TRAT1: variants seen among roughly 807,000 people sequenced by gnomAD.
The protein encoded by TRAT1 is T-cell receptor-associated transmembrane adapter 1.
TRAT1 carries 20 observed loss-of-function variants against 20.0 expected under a neutral mutation model. The observed-to-expected ratio is 1.00, with a 90% CI of 0.70 to 1.45. The LOEUF (loss-of-function observed/expected upper bound fraction) is 1.45. TRAT1 is among the 40% of genes most tolerant of loss of function. TRAT1 has a pLI of 0.00. For missense variants in TRAT1, 237 were observed against 224.1 expected (o/e 1.06, Z -0.37); for synonymous variants, 77 against 74.2 (o/e 1.04, Z -0.20).
At chr3:108,835,106 G>T (rs1291915853) in intron 2 of TRAT1, among the ~76,000 whole-genome samples, 2 of 152,146 alleles carry the variant, frequency 1.3e-5, no homozygotes, top group Non-Finnish European at 2.9e-5. Context: ...AGGAAATTAT[G>T]GCATCTTCAC....
chr3:108,844,865 AAAAAG>A (rs1243732691), intron 3 of TRAT1, among the ~76,000 whole-genome samples: 3,082 of 145,012 alleles, frequency 0.021, 64 homozygotes, highest in South Asian at 0.046. Context: ...AAAAAAAAAA[AAAAAG>A]AAATACGTGT....
intron 3 of TRAT1, among the ~76,000 whole-genome samples, chr3:108,846,512 A>G (rs1945944051): frequency 6.6e-6 from 1 of 152,206 alleles, no homozygotes; most frequent in Admixed American, 6.5e-5. Flanking sequence ...ATTTTATTGC[A>G]TCTGCTAACC....
chr3:108,834,118 T>C (rs1244414207), intron 2 of TRAT1, among the ~76,000 whole-genome samples: 1 of 152,180 alleles, frequency 6.6e-6, no homozygotes, highest in East Asian at 1.9e-4. Context: ...TACAACACCC[T>C]GAGCTTTAGC....
chr3:108,827,823 T>C (rs1374822), intron 1 of TRAT1, among the ~76,000 whole-genome samples: 56,768 of 151,886 alleles, frequency 0.37, 12,069 homozygotes, highest in East Asian at 0.92. Context: ...TAAAGAAATG[T>C]ACAGTGTGAC....
rs1946021222 is a variant in TRAT1 at position 108,853,802 on chromosome 3, A to T, written c.486A>T (p.Ala162=). The T allele has an allele frequency of 6.2e-7, 1 of 1,614,040 alleles. No individual in the cohort carries two copies. Among genetic ancestry groups the T allele is most frequent in the Non-Finnish European group, 8.5e-7 (1 of 1,179,990 alleles). ...LVDSFSPESQ[A]VEENIHDDPI... is the part of the protein sequence containing the mutation. The stretch of plus-strand genomic sequence containing the variant: ...ACAGTTTCTCCCCAGAAAGCCAGGC[A>T]GTAGAGGAAAACATTCATGATGATC... The change falls in exon 6 of 6, where the codon GCA becomes GCT. Residue 162 remains alanine, a synonymous_variant. Coordinates refer to ENST00000295756, the MANE Select transcript of TRAT1 (RefSeq NM_016388.4).
intron 1 of TRAT1, among the ~76,000 whole-genome samples, chr3:108,823,466 C>T (rs915502923): frequency 1.3e-5 from 2 of 152,142 alleles, no homozygotes; most frequent in African/African-American, 4.8e-5. Context: ...TATTGACTCA[C>T]TGTTATGAAT....
chr3:108,834,705 T>A (rs1478635735), intron 2 of TRAT1, among the ~76,000 whole-genome samples: 1 of 152,250 alleles, frequency 6.6e-6, no homozygotes, highest in Non-Finnish European at 1.5e-5. Context: ...TTGCAAGATC[T>A]GACTCCACCT....
chr3:108,831,042 G>A (rs545376743), intron 2 of TRAT1, among the ~76,000 whole-genome samples: 8 of 152,196 alleles, frequency 5.3e-5, no homozygotes, highest in Middle Eastern at 3.4e-3. Context: ...TGGTAAATAC[G>A]TTTTTCCTCC....
In TRAT1 at chr3:108,849,017, T is replaced by C. The variant is rs377743102; in HGVS notation, c.215-149T>C. ...CTGCAGGTAACAGTTTGGGCTTCCT[T>C]ACCTCTTTCTATCTCCACCAAAAAG... is the stretch of plus-strand genomic sequence containing the variant. On this transcript the variant is annotated intron_variant, in intron 4 of 5. Coordinates refer to ENST00000295756, the MANE Select transcript of TRAT1 (RefSeq NM_016388.4). 40 of 674,640 alleles carry C rather than the reference T, an allele frequency of 5.9e-5. No homozygotes were observed. In the African/African-American group the frequency reaches 6.5e-4, roughly 11 times the overall value. The allele number at this position is 674,640 out of a possible 1,614,324, so 41.8% of individuals were successfully genotyped here.
chr3:108,843,894 C>A (rs1305334697), intron 3 of TRAT1, among the ~76,000 whole-genome samples: 2 of 152,168 alleles, frequency 1.3e-5, no homozygotes, highest in African/African-American at 4.8e-5. Flanking sequence ...ACCAGCAGCC[C>A]CTTCTCCTTT....
At chr3:108,842,902 C>A (rs1014674954) in intron 3 of TRAT1, among the ~76,000 whole-genome samples, 32 of 152,230 alleles carry the variant, frequency 2.1e-4, no homozygotes, top group Admixed American at 1.6e-3. Flanking sequence ...TGTTAGATAT[C>A]ATGGCTATGA....
At chr3:108,827,562 T>C (rs1290811985) in intron 1 of TRAT1, among the ~76,000 whole-genome samples, 1 of 152,090 alleles carries the variant, frequency 6.6e-6, no homozygotes, top group East Asian at 1.9e-4. Flanking sequence ...ATATTAAGAA[T>C]GTCATAAAAT....
In TRAT1 at chr3:108,853,217, T is replaced by C. The variant is rs186698097; in HGVS notation, c.304-403T>C. Among the ~76,000 whole-genome samples, 10 of 152,304 alleles carry C rather than the reference T, an allele frequency of 6.6e-5. No individual in the cohort carries two copies. The East Asian group carries it at 1.9e-3, about 29-fold the overall frequency. On this transcript the variant is annotated intron_variant, in intron 5 of 5. Coordinates refer to ENST00000295756, the MANE Select transcript of TRAT1 (RefSeq NM_016388.4). ...TGTTAGGTACATGTAAAGTAGACCC[T>C]TGTGATTTGGTAAACTCCTTCCTAT...
At chr3:108,848,228 T>C (rs1945965371) in intron 4 of TRAT1, among the ~76,000 whole-genome samples, 1 of 152,184 alleles carries the variant, frequency 6.6e-6, no homozygotes, top group Admixed American at 6.5e-5. Flanking sequence ...GGCTAAGGCT[T>C]AGAGATCTGC....
intron 4 of TRAT1, among the ~76,000 whole-genome samples, chr3:108,847,926 A>T (rs1184209419): frequency 1.3e-5 from 2 of 152,248 alleles, no homozygotes; most frequent in East Asian, 3.8e-4. Flanking sequence ...GAATCATCTT[A>T]AAGTTAGAAA....
chr3:108,833,668 G>A (rs1384534980), intron 2 of TRAT1, among the ~76,000 whole-genome samples: 1 of 152,090 alleles, frequency 6.6e-6, no homozygotes, highest in Non-Finnish European at 1.5e-5. Flanking sequence ...TAGACCTGAT[G>A]TAAATTAGAA....
At chr3:108,846,661 G>A (rs778228939) in intron 3 of TRAT1, among the ~76,000 whole-genome samples, 6 of 152,130 alleles carry the variant, frequency 3.9e-5, no homozygotes, top group Admixed American at 6.6e-5. Context: ...TTTGTTAGTC[G>A]TAATCTTGAG....
chr3:108,844,781 T>G (rs554542769), intron 3 of TRAT1, among the ~76,000 whole-genome samples: 2 of 141,384 alleles, frequency 1.4e-5, no homozygotes, highest in East Asian at 4.0e-4. Context: ...GAGGCGGAGC[T>G]TGCAGTGAGC....
chr3:108,845,583 A>G (rs569116956), intron 3 of TRAT1, among the ~76,000 whole-genome samples: 1 of 152,218 alleles, frequency 6.6e-6, no homozygotes. Context: ...TTTTCAAGCC[A>G]TTTCATACAG....
Sources: gnomAD v4.1 joint callset for allele counts (sites outside exome capture counted in the v4.1 genomes callset) on GRCh38, gnomAD v4.1.1 for gene constraint, MANE v1.5 for transcripts, NCBI Gene and HGNC (gene_info 2026-07-23, HGNC 2026-07-21) for gene names.